GDF6: variants seen among roughly 807,000 people sequenced by gnomAD.
GDF6 encodes growth/differentiation factor 6.
A neutral mutation model predicts 32.4 loss-of-function variants in GDF6; 3 were observed. The observed-to-expected ratio is 0.09, with a 90% CI of 0.04 to 0.24. The LOEUF (loss-of-function observed/expected upper bound fraction) is 0.24, where lower values mean the gene tolerates loss of function less well. Among genes scored for constraint, GDF6 ranks in the 10% least tolerant of loss-of-function variants. GDF6 has a pLI of 1.00. For missense variants in GDF6, 589 were observed against 637.9 expected (o/e 0.92, Z 0.83); for synonymous variants, 296 against 295.3 (o/e 1.00, Z -0.03).
intron 1 of GDF6, among the ~76,000 whole-genome samples, chr8:96,151,451 C>A (rs1812567616): frequency 6.6e-6 from 1 of 152,190 alleles, no homozygotes; most frequent in African/African-American, 2.4e-5. Flanking sequence ...GTAGAGTGGG[C>A]AATCTGGCTC....
rs1376401431 is a variant in GDF6 at position 96,145,954 on chromosome 8, C to A, written c.407-430G>T. On this transcript the variant is annotated intron_variant, in intron 1 of 1. Transcript: ENST00000287020. This position sits in a 1 kb window ranked among gnomAD's most constrained non-coding sequence, Gnocchi z 5.6. ...TCCTCCAAGTAGCCACCCCTGAGCA[C>A]CCTGATCTAAGGTAGCCTCTCCAGG... is the stretch of plus-strand genomic sequence containing the variant. Among the ~76,000 whole-genome samples the A allele has an allele frequency of 6.6e-6, 1 of 152,202 alleles. No individual in the cohort carries two copies. Among genetic ancestry groups the A allele is most frequent in the Admixed American group, 6.5e-5 (1 of 15,280 alleles).
At chr8:96,157,153 A>G (rs1812678246) in intron 1 of GDF6, among the ~76,000 whole-genome samples, 1 of 152,180 alleles carries the variant, frequency 6.6e-6, no homozygotes, top group Non-Finnish European at 1.5e-5. Flanking sequence ...CGTGGTTACT[A>G]TTATTACTCC....
At chr8:96,148,297 G>T (rs1336545521) in intron 1 of GDF6, among the ~76,000 whole-genome samples, 4 of 152,226 alleles carry the variant, frequency 2.6e-5, no homozygotes, top group African/African-American at 4.8e-5. Context: ...AGTTTCACAG[G>T]TGCACACATC....
chr8:96,144,010 G>A lies in GDF6; in HGVS notation c.*553C>T, dbSNP rs1395140959. The stretch of plus-strand genomic sequence containing the variant: ...TTTCCCTATCTAACACTTTCTGTGT[G>A]GGAGGGCACAAGACATGGGCTATGA... On this transcript the variant is annotated 3_prime_UTR_variant, in exon 2 of 2. Coordinates refer to ENST00000287020, the MANE Select transcript of GDF6 (RefSeq NM_001001557.4). This position sits in a 1 kb window ranked among gnomAD's most constrained non-coding sequence, Gnocchi z 5.1. The A allele has an allele frequency of 1.2e-5, 2 of 163,694 alleles. No homozygotes were observed. Among genetic ancestry groups the A allele is most frequent in the South Asian group, 1.5e-4 (1 of 6,534 alleles). 10.1% of individuals were successfully genotyped at this position (163,694 alleles called of 1,614,324 possible). A position where few individuals can be genotyped will look rare whatever the true frequency, so the allele number is the denominator to read the frequency against.
Position 96,160,425 on chromosome 8 carries a change from G to A in GDF6, c.268C>T (p.Pro90Ser). 2 of 1,614,086 alleles carry A rather than the reference G, an allele frequency of 1.2e-6. No homozygotes were observed. Among genetic ancestry groups the A allele is most frequent in the Non-Finnish European group, 1.7e-6 (2 of 1,179,962 alleles). ...PRAQEPPGRGPRVVPHEYMLS... is the reference protein window; with the variant it reads ...PRAQEPPGRGSRVVPHEYMLS... ...ATGTACTCGTGGGGCACCACGCGCGGACCCCTGCCTGGCGGCTCCTGCGCC... is the reference window on the plus strand; with the variant it reads ...ATGTACTCGTGGGGCACCACGCGCGAACCCCTGCCTGGCGGCTCCTGCGCC... The change falls in exon 1 of 2, where the codon CCG (proline) becomes TCG (serine). Residue 90 changes from proline (P) to serine (S), a missense_variant. Physicochemically the swap from Pro to Ser is moderately conservative, Grantham distance 74. Coordinates refer to ENST00000287020, the MANE Select transcript of GDF6 (RefSeq NM_001001557.4).
intron 1 of GDF6, among the ~76,000 whole-genome samples, chr8:96,155,621 A>G (rs1812648161): frequency 6.6e-6 from 1 of 152,204 alleles, no homozygotes. Flanking sequence ...AACGCTTAGC[A>G]AGTCTTTTCC....
intron 1 of GDF6, 66 bp downstream of exon 1, chr8:96,160,221 C>A: frequency 1.3e-6 from 2 of 1,511,876 alleles, no homozygotes; most frequent in Non-Finnish European, 1.8e-6. Flanking sequence ...TAGCCTCCAG[C>A]GGGAACAGCT....
chr8:96,159,905 C>A (rs573788048), intron 1 of GDF6, among the ~76,000 whole-genome samples: 3 of 152,198 alleles, frequency 2.0e-5, no homozygotes, highest in Non-Finnish European at 4.4e-5. Context: ...GACTGCGAAC[C>A]CAGTATCCCG....
chr8:96,149,363 G>A (rs975442996), intron 1 of GDF6, among the ~76,000 whole-genome samples: 4 of 152,172 alleles, frequency 2.6e-5, no homozygotes, highest in African/African-American at 9.7e-5. Flanking sequence ...AACGGTGTTT[G>A]CTGAACATTA....
At position 96,156,398 on chromosome 8, in the gene GDF6, C is replaced by CTT. The variant is rs1812664955; in HGVS notation, c.406+3888_406+3889insAA. Among the ~76,000 whole-genome samples, 8 of 129,592 alleles carry CTT rather than the reference C, an allele frequency of 6.2e-5. No homozygotes were observed. In the South Asian group the frequency reaches 1.4e-3, roughly 23 times the overall value. The allele number at this position is 129,592 out of a possible 152,430, so 85.0% of individuals were successfully genotyped here. On this transcript the variant is annotated intron_variant, in intron 1 of 1. Transcript: ENST00000287020. Reference sequence around the variant, plus strand: ...TTTCCCTCTCTCTCTCTCTCTCTCTCTCTCTCTTTCCCTCTCTCTCTCTCT... The same window carrying CTT: ...TTTCCCTCTCTCTCTCTCTCTCTCTCTTTCTCTCTTTCCCTCTCTCTCTCTCT...
At chr8:96,146,780 T>G (rs1812493312) in intron 1 of GDF6, among the ~76,000 whole-genome samples, 1 of 152,106 alleles carries the variant, frequency 6.6e-6, no homozygotes, top group Non-Finnish European at 1.5e-5. Context: ...TCTCTCACTT[T>G]GCAACTATTC....
chr8:96,144,283 AGAGAG>A lies in GDF6; in HGVS notation c.*275_*279del. 2.0e-6 allele frequency: 1 copy of A among 492,400 alleles called. No individual in the cohort carries two copies. The highest frequency in any genetic ancestry group is 3.7e-6 in the Non-Finnish European group (1 of 272,284). The allele number at this position is 492,400 out of a possible 1,614,324, so 30.5% of individuals were successfully genotyped here. The stretch of plus-strand genomic sequence containing the variant: ...GAGAGAGAGAGAGAGAGAGAGAGAG[AGAGAG>A]AGAAAACAGAACAAAAGAAATCCTC... On this transcript the variant is annotated 3_prime_UTR_variant, in exon 2 of 2. Coordinates refer to ENST00000287020, the MANE Select transcript of GDF6 (RefSeq NM_001001557.4). This position sits in a 1 kb window ranked among gnomAD's most constrained non-coding sequence, Gnocchi z 5.1.
At chr8:96,147,623 G>A (rs1812506668) in intron 1 of GDF6, among the ~76,000 whole-genome samples, 1 of 152,228 alleles carries the variant, frequency 6.6e-6, no homozygotes, top group African/African-American at 2.4e-5. Flanking sequence ...CCAAGGATTG[G>A]AGAAATTAAG....
Position 96,144,984 on chromosome 8 carries a change from G to C in GDF6, c.947C>G (p.Pro316Arg). The change falls in exon 2 of 2, where the codon CCG becomes CGG. Residue 316 changes from proline (P) to arginine (R), a missense_variant. Pro to Arg is a moderately radical substitution (Grantham distance 103). Transcript: ENST00000287020. The surrounding 1 kb of genome is among the most constrained non-coding windows in gnomAD (Gnocchi z 5.1). ...GAGAEGSWPPPSGAPDARPWL... is the reference protein window; with the variant it reads ...GAGAEGSWPPRSGAPDARPWL... ...AGGCCTGGCATCCGGGGCGCCCGAC[G>C]GCGGCGGCCACGACCCCTCGGCGCC... The C allele has an allele frequency of 7.4e-7, 1 of 1,356,536 alleles. No homozygotes were observed. Among genetic ancestry groups the C allele is most frequent in the Non-Finnish European group, 9.4e-7 (1 of 1,063,364 alleles). 84.0% of individuals were successfully genotyped at this position (1,356,536 alleles called of 1,614,324 possible). A position where few individuals can be genotyped will look rare whatever the true frequency, so the allele number is the denominator to read the frequency against.
intron 1 of GDF6, among the ~76,000 whole-genome samples, chr8:96,146,787 A>G (rs565753617): frequency 3.3e-5 from 5 of 152,214 alleles, no homozygotes; most frequent in Non-Finnish European, 5.9e-5. Flanking sequence ...CTTTGCAACT[A>G]TTCCTGAAGA....
intron 1 of GDF6, among the ~76,000 whole-genome samples, chr8:96,146,248 A>T (rs1475530674): frequency 6.6e-6 from 1 of 152,112 alleles, no homozygotes; most frequent in Non-Finnish European, 1.5e-5. Context: ...GTCCTGGAGA[A>T]CTGAAAAACT....
Position 96,143,890 on chromosome 8 carries a change from T to C in GDF6, c.*673A>G, listed in dbSNP as rs1042799995. The C allele has an allele frequency of 1.3e-5, 2 of 153,708 alleles. No individual in the cohort carries two copies. Among genetic ancestry groups the C allele is most frequent in the Non-Finnish European group, 2.9e-5 (2 of 69,034 alleles). 9.5% of individuals were successfully genotyped at this position (153,708 alleles called of 1,614,324 possible). ...GGGCAGAGCTGGTAAACTCACAGAG[T>C]ACACAAATGGGTGAGAGGGGCACCC... On this transcript the variant is annotated 3_prime_UTR_variant, in exon 2 of 2. Coordinates refer to ENST00000287020, the MANE Select transcript of GDF6 (RefSeq NM_001001557.4).
At chr8:96,152,034 C>T (rs1812577096) in intron 1 of GDF6, among the ~76,000 whole-genome samples, 1 of 152,206 alleles carries the variant, frequency 6.6e-6, no homozygotes, top group Non-Finnish European at 1.5e-5. Flanking sequence ...TGCACCTGTC[C>T]TTCTCTTGAC....
intron 1 of GDF6, among the ~76,000 whole-genome samples, chr8:96,150,055 A>C (rs765556208): frequency 4.6e-5 from 7 of 152,120 alleles, no homozygotes; most frequent in Non-Finnish European, 1.0e-4. Context: ...CTGGCATTGC[A>C]TTTTCCCAAG....
Sources: gnomAD v4.1 joint callset for allele counts (sites outside exome capture counted in the v4.1 genomes callset) on GRCh38, gnomAD v4.1.1 for gene constraint, Gnocchi (gnomAD v3.1) non-coding constraint, MANE v1.5 for transcripts, NCBI Gene and HGNC (gene_info 2026-07-23, HGNC 2026-07-21) for gene names.